Variants in SLC24A2 observed in about 807,000 individuals in gnomAD.
The protein encoded by SLC24A2 is sodium/potassium/calcium exchanger 2.
SLC24A2 carries 36 observed loss-of-function variants against 62.0 expected under a neutral mutation model. The observed-to-expected ratio is 0.58, with a 90% CI of 0.44 to 0.77. The LOEUF is 0.77. Ranked by LOEUF, SLC24A2 falls within the 30% of genes least tolerant of loss-of-function variation. The pLI, the probability that SLC24A2 is intolerant of heterozygous loss-of-function variation, is 0.00. For synonymous variants in SLC24A2, 358 were observed against 294.0 expected (o/e 1.22, Z -2.23); for missense variants, 846 against 817.9 (o/e 1.03, Z -0.42).
At chr9:20,270,895 T>G in the SLC24A2 span, among the ~76,000 whole-genome samples, 2 of 152,240 alleles carry the variant, frequency 1.3e-5, no homozygotes, top group African/African-American at 4.8e-5. Flanking sequence ...CCTAGTCTTC[T>G]TAAATAAATG....
the SLC24A2 span, among the ~76,000 whole-genome samples, chr9:20,193,301 A>G: frequency 1.3e-5 from 2 of 152,090 alleles, no homozygotes; most frequent in Admixed American, 6.6e-5. Context: ...AAATTTTATT[A>G]TTTATTAGTC....
At chr9:20,303,646 A>G in the SLC24A2 span, among the ~76,000 whole-genome samples, 3 of 152,136 alleles carry the variant, frequency 2.0e-5, no homozygotes, top group Non-Finnish European at 4.4e-5. Flanking sequence ...AGATCGTCCA[A>G]CCCTTAGCTG....
the SLC24A2 span, among the ~76,000 whole-genome samples, chr9:20,015,509 C>T: frequency 1.3e-5 from 2 of 152,198 alleles, no homozygotes; most frequent in African/African-American, 2.4e-5. Flanking sequence ...AATATGTCTG[C>T]TGCTTCACTT....
At chr9:20,216,648 T>C in the SLC24A2 span, among the ~76,000 whole-genome samples, 2 of 152,150 alleles carry the variant, frequency 1.3e-5, no homozygotes, top group Non-Finnish European at 2.9e-5. Context: ...AGTGTCTCAT[T>C]TTTGGTAGGT....
the SLC24A2 span, among the ~76,000 whole-genome samples, chr9:20,230,814 T>A: frequency 2.9e-4 from 44 of 152,332 alleles, no homozygotes; most frequent in Non-Finnish European, 5.7e-4. Flanking sequence ...TGCCCATGCC[T>A]ATGTCCTGAA....
At chr9:19,908,252 T>G in the SLC24A2 span, among the ~76,000 whole-genome samples, 1 of 136,084 alleles carries the variant, frequency 7.3e-6, no homozygotes, top group Non-Finnish European at 1.6e-5. Context: ...CCCTACTTAA[T>G]AAATGGTGCT....
the SLC24A2 span, among the ~76,000 whole-genome samples, chr9:20,208,180 G>A: frequency 1.3e-5 from 2 of 152,228 alleles, no homozygotes; most frequent in Admixed American, 6.5e-5. Context: ...CAGGTGGGTA[G>A]GCACATGTGG....
In SLC24A2 at chr9:19,510,616, A is replaced by G. The variant is rs1589107742; in HGVS notation, c.*5537T>C. On this transcript the variant is annotated 3_prime_UTR_variant, in exon 11 of 11. Coordinates refer to ENST00000341998, the MANE Select transcript of SLC24A2 (RefSeq NM_020344.4). ...TTGGATTAGCGTGATAGGCTAGACA[A>G]ACCCTCTTAATGGAATTAAATCTTT... The G allele has an allele frequency of 6.6e-6, 1 of 152,164 alleles. No homozygotes were observed. The highest frequency in any genetic ancestry group is 6.5e-5 in the Admixed American group (1 of 15,284). 9.4% of individuals were successfully genotyped at this position (152,164 alleles called of 1,614,324 possible). A position where few individuals can be genotyped will look rare whatever the true frequency, so the allele number is the denominator to read the frequency against.
the SLC24A2 span, among the ~76,000 whole-genome samples, chr9:19,956,002 A>G: frequency 6.6e-6 from 1 of 152,266 alleles, no homozygotes; most frequent in African/African-American, 2.4e-5. Context: ...TGCATAAAAC[A>G]GAAGCATTTC....
At chr9:19,935,425 C>T in the SLC24A2 span, among the ~76,000 whole-genome samples, 1 of 152,034 alleles carries the variant, frequency 6.6e-6, no homozygotes, top group African/African-American at 2.4e-5. Context: ...AAACCCAGCA[C>T]TTAAGAGCAG....
chr9:20,252,876 T>C, the SLC24A2 span, among the ~76,000 whole-genome samples: 3 of 152,238 alleles, frequency 2.0e-5, no homozygotes, highest in Non-Finnish European at 2.9e-5. Context: ...TATGCCTAAC[T>C]AAGTAGCTGG....
rs973606022 is a variant in SLC24A2, at chr9:19,514,589, C to T, written c.*1564G>A. 2.0e-5 allele frequency: 3 copies of T among 152,070 alleles called. No individual in the cohort carries two copies. The highest frequency in any genetic ancestry group is 4.8e-5 in the African/African-American group (2 of 41,388). The allele number at this position is 152,070 out of a possible 1,614,324, so 9.4% of individuals were successfully genotyped here. ...CAAGGTGTCATACAGAACTTGGGGG[C>T]GTGGAATATTTTAATTTCATGCATT... On this transcript the variant is annotated 3_prime_UTR_variant, in exon 11 of 11. Transcript: ENST00000341998.
chr9:19,512,188 A>AT lies in SLC24A2; in HGVS notation c.*3964dup. 1 of 152,272 alleles carries AT rather than the reference A, an allele frequency of 6.6e-6. No individual in the cohort carries two copies. Among genetic ancestry groups the AT allele is most frequent in the African/African-American group, 2.4e-5 (1 of 41,548 alleles). The allele number at this position is 152,272 out of a possible 1,614,324, so 9.4% of individuals were successfully genotyped here. A position where few individuals can be genotyped will look rare whatever the true frequency, so the allele number is the denominator to read the frequency against. On this transcript the variant is annotated 3_prime_UTR_variant, in exon 11 of 11. Coordinates refer to ENST00000341998, the MANE Select transcript of SLC24A2 (RefSeq NM_020344.4). Reference sequence around the variant, plus strand: ...CAACTCTCTCCCTGCCCAGGAATGGATGTACATTAACATTGTCAAATGTCT... The same window carrying AT: ...CAACTCTCTCCCTGCCCAGGAATGGATTGTACATTAACATTGTCAAATGTCT...
At chr9:19,733,319 T>C (rs934454747) in intron 2 of SLC24A2, among the ~76,000 whole-genome samples, 5 of 152,166 alleles carry the variant, frequency 3.3e-5, no homozygotes, top group Admixed American at 6.5e-5. Flanking sequence ...CCTAAGGGTA[T>C]CAGAATCAAA....
the SLC24A2 span, among the ~76,000 whole-genome samples, chr9:19,881,149 A>G: frequency 1.4e-4 from 21 of 152,324 alleles, no homozygotes; most frequent in Non-Finnish European, 2.6e-4. Context: ...AGTATAGTTC[A>G]TATTTAAAGC....
At chr9:20,161,619 T>C in the SLC24A2 span, among the ~76,000 whole-genome samples, 2 of 151,398 alleles carry the variant, frequency 1.3e-5, no homozygotes, top group Non-Finnish European at 3.0e-5. Context: ...AAAAGACTTA[T>C]TACCTCCTTA....
the SLC24A2 span, among the ~76,000 whole-genome samples, chr9:20,087,228 C>A: frequency 2.6e-5 from 4 of 151,930 alleles, no homozygotes; most frequent in African/African-American, 9.7e-5. Context: ...TTATTGAGCA[C>A]CTACTATATG....
At chr9:19,571,800 T>C (rs1446627664) in intron 7 of SLC24A2, among the ~76,000 whole-genome samples, 1 of 152,160 alleles carries the variant, frequency 6.6e-6, no homozygotes, top group Non-Finnish European at 1.5e-5. Flanking sequence ...GATCCAGAAA[T>C]CTAACAAGCA....
At chr9:19,801,037 T>G in the SLC24A2 span, among the ~76,000 whole-genome samples, 2 of 152,178 alleles carry the variant, frequency 1.3e-5, no homozygotes, top group Non-Finnish European at 2.9e-5. Context: ...GCAAAAGTAT[T>G]GTTACCAGGG....
Sources: gnomAD v4.1 joint callset for allele counts (sites outside exome capture counted in the v4.1 genomes callset) on GRCh38, gnomAD v4.1.1 for gene constraint, MANE v1.5 for transcripts, NCBI Gene and HGNC (gene_info 2026-07-23, HGNC 2026-07-21) for gene names.